Variants in CHRM3 observed in about 807,000 individuals in gnomAD.
CHRM3 encodes cholinergic receptor muscarinic 3.
CHRM3 carries 11 observed loss-of-function variants against 41.8 expected under a neutral mutation model. That is an observed-to-expected ratio of 0.26 (90% CI 0.17 to 0.44). The LOEUF (loss-of-function observed/expected upper bound fraction) is 0.44, where lower values mean the gene tolerates loss of function less well. Ranked by LOEUF, CHRM3 falls within the 20% of genes least tolerant of loss-of-function variation. CHRM3 has a pLI of 1.00. For missense variants in CHRM3, 571 were observed against 745.4 expected, an observed-to-expected ratio of 0.77 and a Z score of 2.72; for synonymous variants, 297 against 301.4, an observed-to-expected ratio of 0.99 and a Z score of 0.15.
chr1:239,624,494 T>G (rs1429113493), intron 3 of CHRM3, among the ~76,000 whole-genome samples: 15 of 139,928 alleles, frequency 1.1e-4, no homozygotes, highest in African/African-American at 3.0e-4. Flanking sequence ...GCAGAAGCTC[T>G]TGAGTTTAAT....
intron 5 of CHRM3, among the ~76,000 whole-genome samples, chr1:239,824,499 T>C (rs1242666635): frequency 6.6e-6 from 1 of 152,202 alleles, no homozygotes; most frequent in Non-Finnish European, 1.5e-5. Flanking sequence ...TATCTACAGA[T>C]AAGCAAAAGA....
rs955237329 is a variant in CHRM3, at chr1:239,601,186, A to T, written c.-312-31038A>T. ...TAGAACCTTCATTTCAGCCAGTTCC[A>T]TTCTCAAATCTTGTGTCTTCTCCAG... On this transcript the variant is annotated intron_variant, in intron 3 of 6. Coordinates refer to ENST00000676153, the MANE Select transcript of CHRM3 (RefSeq NM_001375978.1). 2.0e-5 allele frequency among the ~76,000 whole-genome samples: 3 copies of T among 152,298 alleles called. No homozygotes were observed. The South Asian group carries it at 6.2e-4, about 32-fold the overall frequency.
At chr1:239,517,267 G>A (rs936379349) in intron 2 of CHRM3, among the ~76,000 whole-genome samples, 9 of 152,132 alleles carry the variant, frequency 5.9e-5, no homozygotes, top group African/African-American at 2.2e-4. Context: ...TCTTATCACT[G>A]ATTATAGTAT....
At chr1:239,906,421 T>C (rs1214216443) in intron 6 of CHRM3, among the ~76,000 whole-genome samples, 4 of 152,172 alleles carry the variant, frequency 2.6e-5, no homozygotes, top group Admixed American at 6.5e-5. Flanking sequence ...ATGATTTGCT[T>C]ATCTAGTGTA....
Position 239,451,603 on chromosome 1 carries a change from A to G in CHRM3, c.-520-41106A>G, listed in dbSNP as rs920164124. Reference sequence around the variant, plus strand: ...TTCACACATGTAGAGCACTTGAAACAGTCTGGAACATATTTTTTTAATCAG... The same window carrying G: ...TTCACACATGTAGAGCACTTGAAACGGTCTGGAACATATTTTTTTAATCAG... On this transcript the variant is annotated intron_variant, in intron 1 of 6. Transcript: ENST00000676153. 8.0e-4 allele frequency among the ~76,000 whole-genome samples: 121 copies of G among 152,186 alleles called. 1 individual carries two copies. The highest frequency in any genetic ancestry group is 2.5e-4 in the Non-Finnish European group (17 of 68,036).
intron 3 of CHRM3, among the ~76,000 whole-genome samples, chr1:239,622,531 T>C (rs993361176): frequency 6.6e-6 from 1 of 152,092 alleles, no homozygotes; most frequent in Non-Finnish European, 1.5e-5. Flanking sequence ...ATGGATGATT[T>C]TGAGGGGTTC....
At chr1:239,653,710 T>C (rs1304668422) in intron 4 of CHRM3, among the ~76,000 whole-genome samples, 1 of 152,148 alleles carries the variant, frequency 6.6e-6, no homozygotes, top group Non-Finnish European at 1.5e-5. Flanking sequence ...ATCAGACAAG[T>C]AGGCATAGAG....
chr1:239,513,348 CATT>C (rs757975363), intron 2 of CHRM3, among the ~76,000 whole-genome samples: 88 of 152,004 alleles, frequency 5.8e-4, no homozygotes, highest in Non-Finnish European at 1.1e-3. Context: ...GTGTTTATCT[CATT>C]GTTGTTTTAA....
intron 5 of CHRM3, among the ~76,000 whole-genome samples, chr1:239,794,928 C>T (rs2148885079): frequency 6.6e-6 from 1 of 152,210 alleles, no homozygotes; most frequent in East Asian, 1.9e-4. Context: ...GATATCGTAT[C>T]TCTGTAAATA....
At chr1:239,772,724 C>G (rs967385873) in intron 5 of CHRM3, among the ~76,000 whole-genome samples, 3 of 152,074 alleles carry the variant, frequency 2.0e-5, no homozygotes, top group African/African-American at 4.8e-5. Context: ...CTGTGACTCC[C>G]TCTCTATACA....
chr1:239,455,297 C>T (rs554479058), intron 1 of CHRM3, among the ~76,000 whole-genome samples: 38 of 151,698 alleles, frequency 2.5e-4, no homozygotes, highest in African/African-American at 8.2e-4. Flanking sequence ...GTGATCTACC[C>T]GCCTCAGCCT....
chr1:239,419,647 G>T (rs1024213024), intron 1 of CHRM3, among the ~76,000 whole-genome samples: 2 of 152,194 alleles, frequency 1.3e-5, no homozygotes, highest in Non-Finnish European at 2.9e-5. Context: ...TGGGAATTCT[G>T]TGGTCCATTT....
At position 239,623,018 on chromosome 1, in the gene CHRM3, G is replaced by A. The variant is rs1295583617; in HGVS notation, c.-312-9206G>A. On this transcript the variant is annotated intron_variant, in intron 3 of 6. Coordinates refer to ENST00000676153, the MANE Select transcript of CHRM3 (RefSeq NM_001375978.1). The stretch of plus-strand genomic sequence containing the variant: ...CTTTTGGCAACCACCACCCTGATCA[G>A]TCAGCACCCATCAACATTGAGGCAA... Among the ~76,000 whole-genome samples the A allele has an allele frequency of 5.3e-5, 8 of 151,332 alleles. No individual in the cohort carries two copies. In the South Asian group the frequency reaches 1.2e-3, roughly 24 times the overall value.
At chr1:239,697,431 C>A (rs1660299934) in intron 5 of CHRM3, among the ~76,000 whole-genome samples, 1 of 152,120 alleles carries the variant, frequency 6.6e-6, no homozygotes, top group African/African-American at 2.4e-5. Context: ...TGTAAATTGC[C>A]CAGTCACTGA....
chr1:239,601,694 C>T (rs1298485300), intron 3 of CHRM3, among the ~76,000 whole-genome samples: 1 of 152,034 alleles, frequency 6.6e-6, no homozygotes, highest in African/African-American at 2.4e-5. Flanking sequence ...ATAAAATATC[C>T]AATATAATAA....
intron 5 of CHRM3, among the ~76,000 whole-genome samples, chr1:239,735,820 C>T (rs780301790): frequency 1.3e-5 from 2 of 152,118 alleles, no homozygotes; most frequent in Non-Finnish European, 2.9e-5. Context: ...ACAAACACAT[C>T]AGAAAAGCAG....
chr1:239,731,632 G>T (rs779628715), intron 5 of CHRM3, among the ~76,000 whole-genome samples: 12 of 151,946 alleles, frequency 7.9e-5, no homozygotes, highest in Non-Finnish European at 1.5e-4. Flanking sequence ...TGGAGTGAGT[G>T]TGAATGTATA....
intron 2 of CHRM3, among the ~76,000 whole-genome samples, chr1:239,534,337 T>C (rs1364327642): frequency 6.6e-6 from 1 of 152,034 alleles, no homozygotes; most frequent in Non-Finnish European, 1.5e-5. Flanking sequence ...AAAAAGAAAA[T>C]TTTAGGAGAA....
Position 239,834,196 on chromosome 1 carries a change from G to A in CHRM3, c.-20+6818G>A, listed in dbSNP as rs560796878. Reference sequence around the variant, plus strand: ...CACACACACACACACACACTGGGGAGGACAAAATTTGCACACTCAACAATT... The same window carrying A: ...CACACACACACACACACACTGGGGAAGACAAAATTTGCACACTCAACAATT... On this transcript the variant is annotated intron_variant, in intron 6 of 6. Coordinates refer to ENST00000676153, the MANE Select transcript of CHRM3 (RefSeq NM_001375978.1). 1.4e-4 allele frequency among the ~76,000 whole-genome samples: 18 copies of A among 128,226 alleles called. 1 individual carries two copies. The South Asian group carries it at 4.6e-3, about 33-fold the overall frequency. The allele number at this position is 128,226 out of a possible 152,430, so 84.1% of individuals were successfully genotyped here.
Sources: allele counts gnomAD v4.1 joint callset (sites outside exome capture counted in the v4.1 genomes callset), GRCh38; gene constraint gnomAD v4.1.1; transcripts MANE v1.5; gene names NCBI Gene and HGNC (gene_info 2026-07-23, HGNC 2026-07-21).